Variants in PHACTR1 observed in about 807,000 individuals in gnomAD.
PHACTR1 encodes the protein phosphatase and actin regulator 1.
In PHACTR1, 16 loss-of-function variants were observed where a neutral mutation model predicts 69.2. The observed-to-expected ratio is 0.23, with a 90% CI of 0.16 to 0.35. PHACTR1 has a LOEUF of 0.35. Among genes scored for constraint, PHACTR1 ranks in the 10% least tolerant of loss-of-function variants. The pLI is 1.00. For synonymous variants in PHACTR1, 312 were observed against 284.5 expected (o/e 1.10, Z -0.97); for missense variants, 510 against 734.7 (o/e 0.69, Z 3.54).
Position 12,756,841 on chromosome 6 carries a change from C to T in PHACTR1, c.250+7051C>T, listed in dbSNP as rs182452678. Among the ~76,000 whole-genome samples, 16 of 152,208 alleles carry T rather than the reference C, an allele frequency of 1.1e-4. 1 individual carries two copies. In the South Asian group the frequency reaches 2.9e-3, roughly 28 times the overall value. On this transcript the variant is annotated intron_variant, in intron 4 of 14. Transcript: ENST00000332995. ...CTCTATCAACCAAACACTAGGTGGT[C>T]GAATATTAAATCATGGTTTAATCAG...
At chr6:13,094,127 C>T (rs899124729) in intron 5 of PHACTR1, among the ~76,000 whole-genome samples, 25 of 152,054 alleles carry the variant, frequency 1.6e-4, no homozygotes, top group African/African-American at 5.6e-4. Flanking sequence ...GCAGTCCTCC[C>T]GCCTCAGCCT....
chr6:13,165,470 G>T (rs1209658619), intron 6 of PHACTR1, among the ~76,000 whole-genome samples: 5 of 152,166 alleles, frequency 3.3e-5, no homozygotes, highest in African/African-American at 1.2e-4. Flanking sequence ...CCAAGGAGTT[G>T]CCTCGGTATG....
chr6:13,122,113 A>G (rs1416864693), intron 5 of PHACTR1, among the ~76,000 whole-genome samples: 4 of 152,198 alleles, frequency 2.6e-5, no homozygotes, highest in African/African-American at 7.2e-5. Context: ...CCACTCTTCA[A>G]TAAAGACTCA....
In PHACTR1 at chr6:13,228,035, C is replaced by T. The variant is rs200995179; in HGVS notation, c.1206C>T (p.Asp402=). 426 of 1,613,310 alleles carry T rather than the reference C, an allele frequency of 2.6e-4. No individual in the cohort carries two copies. Among genetic ancestry groups the T allele is most frequent in the Non-Finnish European group, 3.3e-4 (392 of 1,179,880 alleles). The change falls in exon 9 of 15, where the codon GAC becomes GAT. Residue 402 remains aspartate (D), a synonymous_variant. Coordinates refer to ENST00000332995, the MANE Select transcript of PHACTR1 (RefSeq NM_030948.6). ...GAGAAGAGGAGGAAGAGGAGGAGGA[C>T]GAAGACGACGACAGCTCATTATACA... ...YTREEEEEEE[D]EDDDSSLYTS...
Position 13,184,689 on chromosome 6 carries a change from C to T in PHACTR1, c.664+2003C>T, listed in dbSNP as rs980133242. The T allele has an allele frequency of 4.9e-6, 4 of 810,766 alleles. No individual in the cohort carries two copies. In the African/African-American group the frequency reaches 5.3e-5, roughly 11 times the overall value. 50.2% of individuals were successfully genotyped at this position (810,766 alleles called of 1,614,324 possible). A position where few individuals can be genotyped will look rare whatever the true frequency, so the allele number is the denominator to read the frequency against. ...ACACATGCGTGGCGGCCTGAAGCAT[C>T]GGTGCTCCGCTGTGTTGCCAGCCCG... is the stretch of plus-strand genomic sequence containing the variant. On this transcript the variant is annotated intron_variant, in intron 7 of 14. Transcript: ENST00000332995.
chr6:12,844,265 T>C (rs2127746713), intron 4 of PHACTR1, among the ~76,000 whole-genome samples: 1 of 152,018 alleles, frequency 6.6e-6, no homozygotes, highest in Non-Finnish European at 1.5e-5. Context: ...AATGTAGCAG[T>C]ACACACTTGT....
At chr6:12,937,725 G>C (rs893797741) in intron 4 of PHACTR1, among the ~76,000 whole-genome samples, 4 of 152,172 alleles carry the variant, frequency 2.6e-5, no homozygotes, top group Non-Finnish European at 4.4e-5. Flanking sequence ...CTGGAAACCT[G>C]TATGAATTGC....
intron 3 of PHACTR1, among the ~76,000 whole-genome samples, chr6:12,722,714 C>T (rs1328322517): frequency 1.3e-5 from 2 of 152,182 alleles, no homozygotes; most frequent in Non-Finnish European, 2.9e-5. Context: ...TGGGGGAGAT[C>T]AGCTGCCTCT....
rs1025454061 is a variant in PHACTR1 at position 12,889,529 on chromosome 6, C to T, written c.250+139739C>T. Among the ~76,000 whole-genome samples the T allele has an allele frequency of 2.6e-5, 4 of 152,294 alleles. No individual in the cohort carries two copies. The East Asian group carries it at 5.8e-4, about 22-fold the overall frequency. On this transcript the variant is annotated intron_variant, in intron 4 of 14. Coordinates refer to ENST00000332995, the MANE Select transcript of PHACTR1 (RefSeq NM_030948.6). ...TCGGCCTTCTCTCAAATTTCAGTGACATTTGGGAGTAGTTTGGCAGCAAGA... is the reference window on the plus strand; with the variant it reads ...TCGGCCTTCTCTCAAATTTCAGTGATATTTGGGAGTAGTTTGGCAGCAAGA...
chr6:12,957,403 G>T (rs1364569898), intron 4 of PHACTR1: 1 of 985,396 alleles, frequency 1.0e-6, no homozygotes, highest in African/African-American at 1.7e-5. Context: ...CAGGTCGGGG[G>T]TCTGGTTTGG....
At chr6:12,795,335 G>A (rs894678038) in intron 4 of PHACTR1, among the ~76,000 whole-genome samples, 3 of 152,152 alleles carry the variant, frequency 2.0e-5, no homozygotes, top group Admixed American at 6.5e-5. Context: ...TGCCCTTCTC[G>A]GGTAACTAGC....
At chr6:13,030,391 G>A (rs1802287728) in intron 4 of PHACTR1, among the ~76,000 whole-genome samples, 1 of 152,236 alleles carries the variant, frequency 6.6e-6, no homozygotes, top group African/African-American at 2.4e-5. Context: ...CGGGGAGGAA[G>A]AGAAGATGTT....
At chr6:12,890,818 A>G (rs1381078547) in intron 4 of PHACTR1, among the ~76,000 whole-genome samples, 1 of 152,052 alleles carries the variant, frequency 6.6e-6, no homozygotes, top group African/African-American at 2.4e-5. Flanking sequence ...TTTTTTCAGT[A>G]TCTCTATATT....
intron 7 of PHACTR1, among the ~76,000 whole-genome samples, chr6:13,202,481 CTT>C (rs1164105884): frequency 2.8e-4 from 36 of 129,858 alleles, no homozygotes; most frequent in Admixed American, 2.4e-4. Flanking sequence ...TGCACTGAAG[CTT>C]TTTTTTTTTT....
chr6:12,944,169 G>A (rs1169145919), intron 4 of PHACTR1, among the ~76,000 whole-genome samples: 1 of 152,170 alleles, frequency 6.6e-6, no homozygotes, highest in Admixed American at 6.5e-5. Flanking sequence ...GGAAAGGCAG[G>A]AGGCACAGTG....
chr6:13,181,029 C>T (rs894398598), intron 6 of PHACTR1, among the ~76,000 whole-genome samples: 1 of 152,052 alleles, frequency 6.6e-6, no homozygotes, highest in Non-Finnish European at 1.5e-5. Flanking sequence ...AATGCTGGTG[C>T]TTTACACTGT....
chr6:12,957,345 A>G, intron 4 of PHACTR1: 1 of 984,682 alleles, frequency 1.0e-6, no homozygotes, highest in South Asian at 4.7e-5. Flanking sequence ...AAACAGCTGT[A>G]CAGGCTTGCT....
chr6:13,048,522 T>TTGTGTGTGTGTGTG (rs70989824), intron 4 of PHACTR1, among the ~76,000 whole-genome samples: 12,094 of 142,824 alleles, frequency 0.085, 600 homozygotes, highest in African/African-American at 0.094. Context: ...TTCCATTTCT[T>TTGTGTGTGTGTGTG]TGTGTGTGTG....
intron 5 of PHACTR1, among the ~76,000 whole-genome samples, chr6:13,145,426 T>C (rs1188486954): frequency 6.6e-6 from 1 of 152,212 alleles, no homozygotes; most frequent in African/African-American, 2.4e-5. Flanking sequence ...TTGGTCTTCA[T>C]ATGTGAAATC....
Sources: allele counts gnomAD v4.1 joint callset (sites outside exome capture counted in the v4.1 genomes callset), GRCh38; gene constraint gnomAD v4.1.1; transcripts MANE v1.5; gene names NCBI Gene and HGNC (gene_info 2026-07-23, HGNC 2026-07-21).